Variants in FAM171A1 observed in about 807,000 individuals in gnomAD.
FAM171A1 encodes the protein protein FAM171A1.
A neutral mutation model predicts 74.9 loss-of-function variants in FAM171A1; 23 were observed. That is an observed-to-expected ratio of 0.31 (90% CI 0.22 to 0.44). The LOEUF (loss-of-function observed/expected upper bound fraction) is 0.44. Ranked by LOEUF, FAM171A1 falls within the 20% of genes least tolerant of loss-of-function variation. The pLI is 1.00. For missense variants in FAM171A1, 1,162 were observed against 1,159.2 expected (o/e 1.00, Z -0.03); for synonymous variants, 527 against 505.7 (o/e 1.04, Z -0.57).
At chr10:15,245,051 C>T (rs79636450) in intron 5 of FAM171A1, among the ~76,000 whole-genome samples, 3,921 of 148,830 alleles carry the variant, frequency 0.026, 174 homozygotes, top group African/African-American at 0.092. Context: ...GTTGACTTTG[C>T]TTTTTTTTTT....
At chr10:15,215,010 C>A (rs1019337633) in intron 7 of FAM171A1, among the ~76,000 whole-genome samples, 1 of 152,102 alleles carries the variant, frequency 6.6e-6, no homozygotes, top group African/African-American at 2.4e-5. Context: ...AATCCTCCCC[C>A]TTCAGCCTCC....
At chr10:15,246,374 G>C (rs1362214555) in intron 5 of FAM171A1, among the ~76,000 whole-genome samples, 1 of 152,140 alleles carries the variant, frequency 6.6e-6, no homozygotes, top group East Asian at 1.9e-4. Flanking sequence ...AAGCCCAACA[G>C]GCGTTTCTTT....
intron 1 of FAM171A1, among the ~76,000 whole-genome samples, chr10:15,337,841 C>T (rs754013421): frequency 5.9e-5 from 9 of 152,106 alleles, no homozygotes; most frequent in Non-Finnish European, 8.8e-5. Flanking sequence ...GTCCCAGCTA[C>T]TAGGGAGGCT....
At chr10:15,337,937 C>T (rs968862636) in intron 1 of FAM171A1, among the ~76,000 whole-genome samples, 3 of 151,768 alleles carry the variant, frequency 2.0e-5, no homozygotes, top group Non-Finnish European at 2.9e-5. Flanking sequence ...GGTGACAGAG[C>T]GAGACTCCAT....
At chr10:15,276,233 T>C (rs1834893005) in intron 2 of FAM171A1, among the ~76,000 whole-genome samples, 1 of 152,136 alleles carries the variant, frequency 6.6e-6, no homozygotes, top group Non-Finnish European at 1.5e-5. Context: ...CAGGCTGGAA[T>C]GCAGTGGCGC....
chr10:15,294,077 G>A (rs1264046484), intron 1 of FAM171A1, among the ~76,000 whole-genome samples: 8 of 152,222 alleles, frequency 5.3e-5, no homozygotes, highest in African/African-American at 1.9e-4. Context: ...CTGGTTGGGA[G>A]CAGCAGGGGT....
At chr10:15,343,143 T>G (rs944137800) in intron 1 of FAM171A1, among the ~76,000 whole-genome samples, 1 of 152,192 alleles carries the variant, frequency 6.6e-6, no homozygotes, top group Non-Finnish European at 1.5e-5. Context: ...CTGGGCATCA[T>G]GTTGCTTTAA....
intron 1 of FAM171A1, among the ~76,000 whole-genome samples, chr10:15,353,632 C>CACTA (rs1835902341): frequency 1.3e-5 from 2 of 152,110 alleles, no homozygotes; most frequent in South Asian, 4.1e-4. Context: ...CTATTTACAC[C>CACTA]ACTAATTCTG....
intron 5 of FAM171A1, among the ~76,000 whole-genome samples, chr10:15,225,885 G>A (rs1834100287): frequency 6.6e-6 from 1 of 152,164 alleles, no homozygotes; most frequent in African/African-American, 2.4e-5. Context: ...GAGGACATCT[G>A]CCCAGAGGGC....
intron 4 of FAM171A1, among the ~76,000 whole-genome samples, chr10:15,252,358 T>G (rs1834520592): frequency 6.6e-6 from 1 of 152,188 alleles, no homozygotes. Context: ...GCCTCTCTGT[T>G]TCCATCCACC....
chr10:15,306,335 T>C (rs1835294624), intron 1 of FAM171A1, among the ~76,000 whole-genome samples: 1 of 152,188 alleles, frequency 6.6e-6, no homozygotes, highest in South Asian at 2.1e-4. Flanking sequence ...TCAATATCAA[T>C]GTAATTTATT....
intron 6 of FAM171A1, among the ~76,000 whole-genome samples, chr10:15,219,256 T>C (rs1009739240): frequency 6.6e-6 from 1 of 152,094 alleles, no homozygotes; most frequent in Non-Finnish European, 1.5e-5. Flanking sequence ...TACTCCAGCC[T>C]GGGCAACAAG....
chr10:15,241,200 C>T (rs1044247428), intron 5 of FAM171A1: 2 of 152,164 alleles, frequency 1.3e-5, no homozygotes, highest in African/African-American at 4.8e-5. Flanking sequence ...TATCAGTTGT[C>T]AACTCTGGCA....
chr10:15,344,255 T>C (rs1295520105), intron 1 of FAM171A1, among the ~76,000 whole-genome samples: 7 of 152,152 alleles, frequency 4.6e-5, no homozygotes, highest in Non-Finnish European at 8.8e-5. Flanking sequence ...ATCACCAGGA[T>C]TGAAAATTGA....
At chr10:15,275,344 T>C (rs1056923139) in intron 3 of FAM171A1, among the ~76,000 whole-genome samples, 1 of 151,526 alleles carries the variant, frequency 6.6e-6, no homozygotes, top group African/African-American at 2.4e-5. Context: ...TGGAGTGCAG[T>C]GGCACAATCT....
Position 15,370,948 on chromosome 10 carries a change from C to A in FAM171A1, c.97+8G>T. The A allele has an allele frequency of 8.6e-7, 1 of 1,158,458 alleles. No homozygotes were observed. Among genetic ancestry groups the A allele is most frequent in the South Asian group, 1.6e-5 (1 of 61,612 alleles). 71.8% of individuals were successfully genotyped at this position (1,158,458 alleles called of 1,614,324 possible). ...ACAAAGCCCCCGGCCCCGCCGCCGC[C>A]CACTGACCTTGGGCTCCGGCGCCGG... On this transcript the variant is annotated splice_region_variant and intron_variant, in intron 1 of 7. Coordinates refer to ENST00000378116, the MANE Select transcript of FAM171A1 (RefSeq NM_001010924.2).
chr10:15,342,646 T>C (rs1006684561), intron 1 of FAM171A1, among the ~76,000 whole-genome samples: 3 of 152,162 alleles, frequency 2.0e-5, no homozygotes, highest in Non-Finnish European at 4.4e-5. Flanking sequence ...TTATACCTAA[T>C]TGGATTCAAT....
At chr10:15,261,047 TTC>T (rs1285303301) in intron 3 of FAM171A1, among the ~76,000 whole-genome samples, 1 of 152,226 alleles carries the variant, frequency 6.6e-6, no homozygotes, top group Non-Finnish European at 1.5e-5. Context: ...GAGAAGGCAT[TTC>T]TCTCTTTGTC....
chr10:15,229,597 T>TCAC (rs1252064575), intron 5 of FAM171A1, among the ~76,000 whole-genome samples: 9 of 110,110 alleles, frequency 8.2e-5, no homozygotes, highest in African/African-American at 2.6e-4. Context: ...ATCACCATCA[T>TCAC]CACCATCACC....
Sources: gnomAD v4.1 joint callset for allele counts (sites outside exome capture counted in the v4.1 genomes callset) on GRCh38, gnomAD v4.1.1 for gene constraint, MANE v1.5 for transcripts, NCBI Gene and HGNC (gene_info 2026-07-23, HGNC 2026-07-21) for gene names.